Variants in RLF observed in about 807,000 individuals in gnomAD.
RLF encodes the protein RLF zinc finger.
Under a neutral mutation model 162.9 loss-of-function variants are expected in RLF, and 7 were observed. The ratio of observed to expected loss-of-function variants is 0.04; its 90% CI spans 0.02 to 0.08. The LOEUF (loss-of-function observed/expected upper bound fraction) is 0.08, where lower values mean the gene tolerates loss of function less well. Ranked by LOEUF, RLF falls within the 10% of genes least tolerant of loss-of-function variation. RLF has a pLI of 1.00. For missense variants in RLF, 1,664 were observed against 2,244.7 expected, an observed-to-expected ratio of 0.74 and a Z score of 5.23; for synonymous variants, 782 against 791.5, an observed-to-expected ratio of 0.99 and a Z score of 0.20.
intron 5 of RLF, among the ~76,000 whole-genome samples, chr1:40,213,482 G>T (rs1369713185): frequency 1.3e-5 from 2 of 152,184 alleles, no homozygotes; most frequent in Admixed American, 6.5e-5. Flanking sequence ...CTGGTCTGTA[G>T]CATTACTGCA....
intron 1 of RLF, among the ~76,000 whole-genome samples, chr1:40,183,105 T>A (rs1167306554): frequency 6.6e-6 from 1 of 152,166 alleles, no homozygotes; most frequent in East Asian, 1.9e-4. Context: ...CTGACTTTTT[T>A]CAAGTTCTTT....
At chr1:40,216,793 G>C (rs776657659) in intron 5 of RLF, among the ~76,000 whole-genome samples, 1 of 152,050 alleles carries the variant, frequency 6.6e-6, no homozygotes, top group Non-Finnish European at 1.5e-5. Flanking sequence ...GGTGTCTCAC[G>C]CCTGTACCAG....
At chr1:40,201,045 C>A (rs1283352087) in intron 4 of RLF, among the ~76,000 whole-genome samples, 1 of 24,864 alleles carries the variant, frequency 4.0e-5, no homozygotes. Flanking sequence ...ACACACACCC[C>A]CCCCACACCT....
rs1214581759 is a variant in RLF, at chr1:40,237,462, A to G, written c.2760A>G (p.Glu920=). ...EELIDTLDHS[E]TMQDVLLSNE... ...TAATTGACACACTAGATCACTCTGAAACTATGCAGGATGTATTGTTATCTA... is the reference window on the plus strand; with the variant it reads ...TAATTGACACACTAGATCACTCTGAGACTATGCAGGATGTATTGTTATCTA... Residue 920 remains glutamate, a synonymous_variant, in exon 8 of 8, where the codon GAA becomes GAG. Transcript: ENST00000372771. This position sits in a 1 kb window ranked among gnomAD's most constrained non-coding sequence, Gnocchi z 4.4. The G allele has an allele frequency of 1.9e-6, 3 of 1,613,960 alleles. No individual in the cohort carries two copies. The highest frequency in any genetic ancestry group is 2.7e-5 in the African/African-American group (2 of 74,910).
intron 7 of RLF, among the ~76,000 whole-genome samples, chr1:40,233,745 G>C (rs756094371): frequency 6.6e-6 from 1 of 152,166 alleles, no homozygotes; most frequent in African/African-American, 2.4e-5. Flanking sequence ...TAGAGTCTCA[G>C]CTCGTCTGAA....
intron 1 of RLF, among the ~76,000 whole-genome samples, chr1:40,186,418 T>C (rs182148197): frequency 1.1e-4 from 17 of 152,302 alleles, no homozygotes; most frequent in African/African-American, 4.1e-4. Flanking sequence ...TTTAGGAATA[T>C]AAAAAGTATA....
chr1:40,212,993 A>C (rs1642882824), intron 5 of RLF, among the ~76,000 whole-genome samples: 1 of 152,046 alleles, frequency 6.6e-6, no homozygotes, highest in African/African-American at 2.4e-5. Context: ...CACCTCCACC[A>C]CCTTCTTTTA....
At position 40,224,087 on chromosome 1, in the gene RLF, T is replaced by G. The variant is rs1348918787; in HGVS notation, c.947+1377T>G. Among the ~76,000 whole-genome samples, 3 of 152,340 alleles carry G rather than the reference T, an allele frequency of 2.0e-5. No homozygotes were observed. In the East Asian group the frequency reaches 5.8e-4, roughly 29 times the overall value. ...TATAGAATGTGTTATAGATTGTGTT[T>G]AAAATTTTTCTCCCCTTCTTCAGTC... On this transcript the variant is annotated intron_variant, in intron 6 of 7. Transcript: ENST00000372771.
intron 1 of RLF, among the ~76,000 whole-genome samples, chr1:40,169,479 G>A (rs1006400209): frequency 4.0e-5 from 6 of 150,702 alleles, no homozygotes; most frequent in East Asian, 2.0e-4. Context: ...AGCCGGGCGC[G>A]GTGGCGGGCG....
chr1:40,180,591 A>G (rs1642392510), intron 1 of RLF, among the ~76,000 whole-genome samples: 2 of 152,094 alleles, frequency 1.3e-5, no homozygotes, highest in African/African-American at 4.8e-5. Flanking sequence ...GTCAATCCTA[A>G]TGGGTGCGAA....
At chr1:40,216,323 A>G (rs1480714094) in intron 5 of RLF, among the ~76,000 whole-genome samples, 1 of 152,104 alleles carries the variant, frequency 6.6e-6, no homozygotes, top group Non-Finnish European at 1.5e-5. Flanking sequence ...TCTCTACTAA[A>G]AATACAAAAA....
intron 5 of RLF, among the ~76,000 whole-genome samples, chr1:40,220,548 C>T (rs930793508): frequency 2.6e-5 from 4 of 152,188 alleles, no homozygotes; most frequent in African/African-American, 9.7e-5. Context: ...AGTATACTCT[C>T]TCATTGTAGC....
In RLF at chr1:40,238,784, T is replaced by G; in HGVS notation, c.4082T>G (p.Ile1361Arg). ...AGGGAACTTGTCAAATGTAAAAAGA[T>G]ATTTGCTTGCAAATATAAGGAATGT... ...TKRELVKCKK[I>R]FACKYKECNK... The change falls in exon 8 of 8, where the codon ATA becomes AGA. Residue 1361 changes from isoleucine (I) to arginine (R), a missense_variant. Coordinates refer to ENST00000372771, the MANE Select transcript of RLF (RefSeq NM_012421.4). This position sits in a 1 kb window ranked among gnomAD's most constrained non-coding sequence, Gnocchi z 5.2. The G allele has an allele frequency of 6.2e-7, 1 of 1,612,880 alleles. No homozygotes were observed.
intron 5 of RLF, among the ~76,000 whole-genome samples, chr1:40,221,936 C>G (rs375114183): frequency 6.9e-6 from 1 of 145,580 alleles, no homozygotes; most frequent in African/African-American, 2.6e-5. Flanking sequence ...GAAAGGAGCC[C>G]CAGAAAAATT....
intron 3 of RLF, among the ~76,000 whole-genome samples, chr1:40,191,570 G>C (rs1265529729): frequency 6.7e-6 from 1 of 149,502 alleles, no homozygotes; most frequent in Non-Finnish European, 1.5e-5. Flanking sequence ...ATAAATAATA[G>C]ACCGGGCATG....
At chr1:40,183,116 C>G (rs189750015) in intron 1 of RLF, among the ~76,000 whole-genome samples, 1 of 152,242 alleles carries the variant, frequency 6.6e-6, no homozygotes, top group Admixed American at 6.5e-5. Flanking sequence ...CAAGTTCTTT[C>G]TTTGGAGTCC....
chr1:40,207,755 C>T (rs1046763517), intron 5 of RLF, among the ~76,000 whole-genome samples: 2 of 152,108 alleles, frequency 1.3e-5, no homozygotes, highest in East Asian at 3.9e-4. Context: ...GGATTGCAGA[C>T]GTGCGCCACT....
At chr1:40,164,969 C>T (rs1642145741) in intron 1 of RLF, among the ~76,000 whole-genome samples, 1 of 152,140 alleles carries the variant, frequency 6.6e-6, no homozygotes, top group African/African-American at 2.4e-5. Context: ...GTCAGATAGC[C>T]TATGTACTGG....
chr1:40,224,580 T>G (rs1168297236), intron 6 of RLF, among the ~76,000 whole-genome samples: 7 of 3,800 alleles, frequency 1.8e-3, no homozygotes, highest in African/African-American at 5.2e-3. Flanking sequence ...GGCCACATCT[T>G]TTTTTTTTTT....
Sources: allele counts gnomAD v4.1 joint callset (sites outside exome capture counted in the v4.1 genomes callset), GRCh38; gene constraint gnomAD v4.1.1; non-coding constraint Gnocchi (gnomAD v3.1); transcripts MANE v1.5; gene names NCBI Gene and HGNC (gene_info 2026-07-23, HGNC 2026-07-21).